Variants in NEK10 observed in about 807,000 individuals in gnomAD.
NEK10 encodes the protein NIMA related kinase 10.
In NEK10, 122 loss-of-function variants were observed where a neutral mutation model predicts 159.8. The ratio of observed to expected loss-of-function variants is 0.76; its 90% confidence interval spans 0.66 to 0.89. NEK10 has a LOEUF of 0.89. NEK10 is among the 40% of genes least tolerant of loss of function. The pLI, the probability that NEK10 is intolerant of heterozygous loss-of-function variation, is 0.00. For synonymous variants in NEK10, 466 were observed against 457.1 expected (o/e 1.02, Z -0.25); for missense variants, 1,342 against 1,323.1 (o/e 1.01, Z -0.22).
intron 23 of NEK10, among the ~76,000 whole-genome samples, chr3:27,250,039 TA>T (rs1955492403): frequency 6.6e-6 from 1 of 152,152 alleles, no homozygotes; most frequent in African/African-American, 2.4e-5. Context: ...CTTTTTAACT[TA>T]TTGTTTCTCT....
At chr3:27,204,315 T>TTTTTTTTGTTTTG (rs1559606319) in intron 23 of NEK10, among the ~76,000 whole-genome samples, 3 of 113,180 alleles carry the variant, frequency 2.7e-5, no homozygotes, top group Admixed American at 1.1e-4. Flanking sequence ...TTTTTTTTTT[T>TTTTTTTTGTTTTG]TTTTTTATTA....
Position 27,174,781 on chromosome 3 carries a change from A to T in NEK10, c.2558T>A (p.Leu853Gln). Residue 853 changes from leucine to glutamine, a missense_variant, in exon 27 of 36, where the codon CTG (leucine) becomes CAG (glutamine). Coordinates refer to ENST00000691995, the MANE Select transcript of NEK10 (RefSeq NM_001394966.1). ...LSSSSSGAAS[L>Q]KSELSESADL... ...TGCGCTTTCTGAAAGTTCACTTTTC[A>T]GGCTGGCTGCTCCACTGCTGCTGCT... 6.2e-7 allele frequency: 1 copy of T among 1,611,686 alleles called. No individual in the cohort carries two copies. The highest frequency in any genetic ancestry group is 8.5e-7 in the Non-Finnish European group (1 of 1,179,192).
chr3:27,350,584 T>C (rs1208649576), intron 3 of NEK10, among the ~76,000 whole-genome samples: 2 of 152,136 alleles, frequency 1.3e-5, no homozygotes, highest in African/African-American at 2.4e-5. Context: ...TTTAGCACCA[T>C]CTATTTTCTG....
At chr3:27,116,802 ATT>A (rs548439091) in intron 33 of NEK10, among the ~76,000 whole-genome samples, 4 of 147,852 alleles carry the variant, frequency 2.7e-5, no homozygotes, top group African/African-American at 9.9e-5. Context: ...GGCTGGCCAG[ATT>A]TTTTTTTTTA....
intron 23 of NEK10, among the ~76,000 whole-genome samples, chr3:27,248,085 T>C (rs1955270903): frequency 6.6e-6 from 1 of 152,134 alleles, no homozygotes; most frequent in African/African-American, 2.4e-5. Context: ...AGTTTCTTCA[T>C]GGTTCCATCT....
intron 23 of NEK10, among the ~76,000 whole-genome samples, chr3:27,211,249 T>A (rs1950986819): frequency 1.3e-5 from 2 of 152,182 alleles, no homozygotes; most frequent in Admixed American, 1.3e-4. Flanking sequence ...ATAATAAATG[T>A]GCAAGTGCCA....
chr3:27,145,848 A>C (rs1944246200), intron 30 of NEK10, among the ~76,000 whole-genome samples: 1 of 150,084 alleles, frequency 6.7e-6, no homozygotes, highest in Non-Finnish European at 1.5e-5. Context: ...GGAGGAAGTG[A>C]GCTTGGGAGG....
At chr3:27,263,130 C>T (rs572284771) in intron 22 of NEK10, among the ~76,000 whole-genome samples, 6 of 152,294 alleles carry the variant, frequency 3.9e-5, no homozygotes, top group East Asian at 1.9e-4. Flanking sequence ...TGCAGAACAG[C>T]GGATATTGGT....
At chr3:27,225,298 G>C (rs912170649) in intron 23 of NEK10, among the ~76,000 whole-genome samples, 2 of 152,072 alleles carry the variant, frequency 1.3e-5, no homozygotes, top group African/African-American at 4.8e-5. Flanking sequence ...ACCTTTCCCA[G>C]CCCACTGACT....
chr3:27,259,290 G>A (rs1374003393), intron 22 of NEK10, among the ~76,000 whole-genome samples: 3 of 152,094 alleles, frequency 2.0e-5, no homozygotes, highest in Non-Finnish European at 4.4e-5. Context: ...TGAAGTCCTC[G>A]CCCATGCCTA....
chr3:27,308,753 T>C (rs1442983535), intron 10 of NEK10, among the ~76,000 whole-genome samples, 173 bp downstream of exon 10: 1 of 152,202 alleles, frequency 6.6e-6, no homozygotes, highest in Non-Finnish European at 1.5e-5. Context: ...CCTTTCCAGT[T>C]TAAATTTTTA....
At chr3:27,346,049 A>C in intron 4 of NEK10, 37 bp downstream of exon 4, 2 of 1,606,386 alleles carry the variant, frequency 1.2e-6, no homozygotes, top group Non-Finnish European at 1.7e-6. Flanking sequence ...TAAGCAGAAT[A>C]AGTTGCTGAA....
At chr3:27,297,357 A>T (rs1167114457) in intron 13 of NEK10, 117 bp from the exon 14 acceptor site, 2 of 651,208 alleles carry the variant, frequency 3.1e-6, no homozygotes, top group South Asian at 4.7e-5. Context: ...TAGCAAAGTA[A>T]CTTCTCAAGA....
chr3:27,150,932 A>G (rs1363336191), intron 30 of NEK10, among the ~76,000 whole-genome samples: 2 of 152,134 alleles, frequency 1.3e-5, no homozygotes, highest in African/African-American at 4.8e-5. Flanking sequence ...GGATTCACAG[A>G]CCCTCTGAAG....
At position 27,302,597 on chromosome 3, in the gene NEK10, C is replaced by T. The variant is rs202223028; in HGVS notation, c.1029-762G>A. 5.9e-5 allele frequency among the ~76,000 whole-genome samples: 9 copies of T among 152,258 alleles called. No homozygotes were observed. The East Asian group carries it at 1.7e-3, about 29-fold the overall frequency. On this transcript the variant is annotated intron_variant, in intron 12 of 35. Transcript: ENST00000691995. Reference sequence around the variant, plus strand: ...TTCTGTTTACTCAGTACACTTTCTTCCATAATAGTTCTTCATCTGTCTTTC... The same window carrying T: ...TTCTGTTTACTCAGTACACTTTCTTTCATAATAGTTCTTCATCTGTCTTTC...
chr3:27,185,114 A>T (rs1948490618), intron 26 of NEK10, among the ~76,000 whole-genome samples: 1 of 152,232 alleles, frequency 6.6e-6, no homozygotes, highest in Admixed American at 6.5e-5. Flanking sequence ...TTTTATAACA[A>T]AGAAGTGAAG....
At chr3:27,250,590 T>C (rs11129274) in intron 23 of NEK10, among the ~76,000 whole-genome samples, 39,116 of 152,016 alleles carry the variant, frequency 0.26, 5,194 homozygotes, top group Middle Eastern at 0.38. Flanking sequence ...GCATTTCTCA[T>C]AGGACAGGTC....
chr3:27,248,583 T>C (rs1384419971), intron 23 of NEK10, among the ~76,000 whole-genome samples: 1 of 152,210 alleles, frequency 6.6e-6, no homozygotes, highest in Non-Finnish European at 1.5e-5. Context: ...TTCAAAAATT[T>C]TTTCAATTTA....
chr3:27,272,695 T>C (rs1277831043), intron 22 of NEK10, among the ~76,000 whole-genome samples: 1 of 152,166 alleles, frequency 6.6e-6, no homozygotes, highest in Non-Finnish European at 1.5e-5. Flanking sequence ...ACTAAGAGCA[T>C]ATGTTCTAGG....
Sources: gnomAD v4.1 joint callset for allele counts (sites outside exome capture counted in the v4.1 genomes callset) on GRCh38, gnomAD v4.1.1 for gene constraint, MANE v1.5 for transcripts, NCBI Gene and HGNC (gene_info 2026-07-23, HGNC 2026-07-21) for gene names.